The following CCDC30 variants were observed in gnomAD, a reference collection of about 807,000 sequenced individuals.
The protein encoded by CCDC30 is coiled-coil domain-containing protein 30.
In CCDC30, 70 loss-of-function variants were observed where a neutral mutation model predicts 100.2. That is an observed-to-expected ratio of 0.70 (90% confidence interval 0.58 to 0.85). The LOEUF is 0.85. Ranked by LOEUF, CCDC30 falls within the 40% of genes least tolerant of loss-of-function variation. The pLI is 0.00. For missense variants in CCDC30, 652 were observed against 771.2 expected (o/e 0.85, Z 1.83); for synonymous variants, 233 against 269.5 (o/e 0.86, Z 1.33).
intron 10 of CCDC30, among the ~76,000 whole-genome samples, chr1:42,600,239 G>A (rs556654786): frequency 6.6e-6 from 1 of 152,120 alleles, no homozygotes; most frequent in Non-Finnish European, 1.5e-5. Flanking sequence ...AATTCTCCAA[G>A]AAGAAAAAAC....
intron 12 of CCDC30, 81 bp downstream of exon 16, chr1:42,637,459 ATTAT>A: frequency 7.7e-7 from 1 of 1,303,882 alleles, no homozygotes; most frequent in Non-Finnish European, 1.1e-6. Context: ...CATTTTAAAA[ATTAT>A]TTGAGACCCC....
At chr1:42,540,839 C>A (rs72659965) in intron 6 of CCDC30, among the ~76,000 whole-genome samples, 1 of 152,052 alleles carries the variant, frequency 6.6e-6, no homozygotes, top group Admixed American at 6.6e-5. Flanking sequence ...GACACAATAC[C>A]ATTATCTAAT....
At chr1:42,518,816 C>T (rs372646579) in intron 6 of CCDC30, among the ~76,000 whole-genome samples, 5 of 152,222 alleles carry the variant, frequency 3.3e-5, no homozygotes, top group African/African-American at 1.2e-4. Context: ...CTAAGACTTC[C>T]AGTACTTTGT....
intron 6 of CCDC30, among the ~76,000 whole-genome samples, chr1:42,509,516 G>T (rs1373973740): frequency 2.6e-5 from 4 of 152,134 alleles, no homozygotes; most frequent in Non-Finnish European, 4.4e-5. Context: ...ACAGAAGACA[G>T]TCACCATTTT....
chr1:42,559,883 A>G (rs1177175908), intron 6 of CCDC30, among the ~76,000 whole-genome samples: 1 of 152,150 alleles, frequency 6.6e-6, no homozygotes, highest in African/African-American at 2.4e-5. Context: ...TCGACCACAT[A>G]ATTGGAAGTA....
At chr1:42,483,000 AC>A in intron 3 of CCDC30, 184 bp downstream of exon 3, 1 of 397,030 alleles carries the variant, frequency 2.5e-6, no homozygotes, top group Middle Eastern at 5.6e-4. Context: ...AAGCATATCT[AC>A]CAAAAGTGCA....
intron 6 of CCDC30, among the ~76,000 whole-genome samples, chr1:42,546,660 C>G (rs1285127357): frequency 8.6e-5 from 13 of 151,586 alleles, no homozygotes; most frequent in Admixed American, 8.5e-4. Flanking sequence ...TTTGCTGTCT[C>G]TATTTTACAT....
At chr1:42,484,126 AT>A (rs1644011560) in intron 3 of CCDC30, among the ~76,000 whole-genome samples, 1 of 146,416 alleles carries the variant, frequency 6.8e-6, no homozygotes, top group South Asian at 2.1e-4. Flanking sequence ...TTAAAAACAA[AT>A]AATAATAAAA....
exon 7 of CCDC30, chr1:42,566,299 C>T (rs1372654316): frequency 6.2e-7 from 1 of 1,611,736 alleles, no homozygotes; most frequent in Non-Finnish European, 8.5e-7. Flanking sequence ...GCTTTAGCAT[C>T]CATCATCTGG....
intron 6 of CCDC30, among the ~76,000 whole-genome samples, chr1:42,540,534 A>G (rs1189424118): frequency 1.3e-5 from 2 of 152,112 alleles, no homozygotes; most frequent in Non-Finnish European, 2.9e-5. Context: ...TTTATGTTGA[A>G]ATAATATCAG....
At chr1:42,548,013 A>G (rs913674502) in intron 6 of CCDC30, among the ~76,000 whole-genome samples, 12 of 152,158 alleles carry the variant, frequency 7.9e-5, no homozygotes, top group Non-Finnish European at 1.8e-4. Flanking sequence ...AAGCAAAAAG[A>G]TGGGAGAATA....
intron 11 of CCDC30, among the ~76,000 whole-genome samples, chr1:42,626,931 T>C (rs1357579696): frequency 1.3e-5 from 2 of 152,038 alleles, no homozygotes; most frequent in African/African-American, 4.8e-5. Flanking sequence ...ATACAGTAAA[T>C]TGGTACCAGT....
At chr1:42,456,285 C>T in the CCDC30 span, 1 of 597,408 alleles carries the variant, frequency 1.7e-6, no homozygotes, top group African/African-American at 1.9e-5. Flanking sequence ...AAGGGTCAAA[C>T]ATGGCCAGTT....
intron 6 of CCDC30, among the ~76,000 whole-genome samples, chr1:42,553,652 TACACACACACACACACACACACACAC>T (rs60429759): frequency 3.7e-5 from 5 of 133,750 alleles, no homozygotes; most frequent in African/African-American, 1.4e-4. Flanking sequence ...TGAGATTCCA[TACACACACACACACACACACACACAC>T]ACACACACAC....
intron 6 of CCDC30, among the ~76,000 whole-genome samples, chr1:42,535,425 T>G (rs1644876310): frequency 6.6e-6 from 1 of 151,650 alleles, no homozygotes; most frequent in South Asian, 2.1e-4. Context: ...TGGAAACCAG[T>G]AGAACAGGAC....
rs1240417408 is a variant in CCDC30 at position 42,622,076 on chromosome 1, C to T, written c.1277+10986C>T. Among the ~76,000 whole-genome samples the T allele has an allele frequency of 2.6e-5, 4 of 152,130 alleles. No individual in the cohort carries two copies. The East Asian group carries it at 7.7e-4, about 29-fold the overall frequency. The stretch of plus-strand genomic sequence containing the variant: ...CATACGCATTAACCATCCCCACCTC[C>T]CCCAATTTCCCCACTACTCTTCCCA... On this transcript the variant is annotated intron_variant, in intron 11 of 16. Coordinates refer to ENST00000668663, the Ensembl canonical transcript of CCDC30.
chr1:42,517,742 G>A (rs4607934), intron 6 of CCDC30, among the ~76,000 whole-genome samples: 20,724 of 152,060 alleles, frequency 0.14, 1,555 homozygotes, highest in East Asian at 0.18. Flanking sequence ...TGATGGCTTC[G>A]TTCTACCAAA....
intron 6 of CCDC30, among the ~76,000 whole-genome samples, chr1:42,547,948 C>T (rs1645177616): frequency 6.6e-6 from 1 of 152,130 alleles, no homozygotes; most frequent in Non-Finnish European, 1.5e-5. Flanking sequence ...TGGGCTCTGG[C>T]CCAGGCTAAT....
chr1:42,614,975 G>T (rs545532065), intron 11 of CCDC30, among the ~76,000 whole-genome samples: 1 of 152,182 alleles, frequency 6.6e-6, no homozygotes, highest in Non-Finnish European at 1.5e-5. Flanking sequence ...TAATAGGTTT[G>T]TTGCCCAATG....
Sources: allele counts gnomAD v4.1 joint callset (sites outside exome capture counted in the v4.1 genomes callset), GRCh38; gene constraint gnomAD v4.1.1; transcripts MANE v1.5; gene names NCBI Gene and HGNC (gene_info 2026-07-23, HGNC 2026-07-21).